The following MAF variants were observed in gnomAD, a reference collection of about 807,000 sequenced individuals.
The protein encoded by MAF is MAF bZIP transcription factor.
MAF carries 10 observed loss-of-function variants against 22.0 expected under a neutral mutation model. The observed-to-expected ratio is 0.45, with a 90% CI of 0.28 to 0.77. The LOEUF (loss-of-function observed/expected upper bound fraction) is 0.77, where lower values mean the gene tolerates loss of function less well. Ranked by LOEUF, MAF falls within the 30% of genes least tolerant of loss-of-function variation. MAF has a pLI of 0.12. For missense variants in MAF, 544 were observed against 548.4 expected, an observed-to-expected ratio of 0.99 and a Z score of 0.08; for synonymous variants, 337 against 255.8, an observed-to-expected ratio of 1.32 and a Z score of -3.03.
the MAF span, among the ~76,000 whole-genome samples, chr16:79,332,718 C>G: frequency 5.9e-5 from 9 of 152,352 alleles, no homozygotes; most frequent in Non-Finnish European, 1.2e-4. Context: ...TATTACAAGT[C>G]TCCTTTGATG....
the MAF span, among the ~76,000 whole-genome samples, chr16:79,413,524 C>T: frequency 6.6e-6 from 1 of 151,662 alleles, no homozygotes; most frequent in African/African-American, 2.4e-5. Context: ...TGAGCCACCG[C>T]GCCCGGCCGA....
At chr16:79,211,906 T>TAAAGG in the MAF span, 6 of 1,551,708 alleles carry the variant, frequency 3.9e-6, no homozygotes, top group Non-Finnish European at 5.2e-6. Flanking sequence ...TCCGCAAGAG[T>TAAAGG]AAAGGAAATA....
downstream of MAF, among the ~76,000 whole-genome samples, chr16:79,584,491 C>G (rs191778381): frequency 6.6e-6 from 1 of 152,142 alleles, no homozygotes; most frequent in African/African-American, 2.4e-5. Context: ...GATTTCTTTC[C>G]CACCAGTAAC....
the MAF span, among the ~76,000 whole-genome samples, chr16:79,245,784 A>G: frequency 6.6e-6 from 1 of 152,092 alleles, no homozygotes; most frequent in Non-Finnish European, 1.5e-5. Context: ...TCTATTCACA[A>G]TAGCAAAGAC....
the MAF span, among the ~76,000 whole-genome samples, chr16:79,423,507 G>C: frequency 6.6e-6 from 1 of 152,198 alleles, no homozygotes; most frequent in East Asian, 1.9e-4. Flanking sequence ...ATCTACCCCA[G>C]GAGTTGGTGA....
the MAF span, among the ~76,000 whole-genome samples, chr16:79,345,685 G>A: frequency 1.6e-5 from 2 of 121,910 alleles, no homozygotes; most frequent in African/African-American, 3.2e-5. Flanking sequence ...CCAAGATCGC[G>A]CCACTGCACT....
the MAF span, among the ~76,000 whole-genome samples, chr16:79,430,066 C>G: frequency 6.6e-6 from 1 of 152,168 alleles, no homozygotes; most frequent in Non-Finnish European, 1.5e-5. Context: ...GGCATCCACC[C>G]CGGGGCCCCT....
chr16:79,533,815 T>C, the MAF span, among the ~76,000 whole-genome samples: 1 of 152,196 alleles, frequency 6.6e-6, no homozygotes, highest in Non-Finnish European at 1.5e-5. Context: ...AATTTTCTTA[T>C]CCAGTGATGT....
the MAF span, among the ~76,000 whole-genome samples, chr16:79,560,724 G>A: frequency 1.3e-5 from 2 of 152,100 alleles, no homozygotes; most frequent in Admixed American, 1.3e-4. Context: ...AGAAGTCACT[G>A]GAAATTGGCT....
chr16:79,223,816 G>C, the MAF span, among the ~76,000 whole-genome samples: 5 of 152,158 alleles, frequency 3.3e-5, no homozygotes, highest in African/African-American at 1.2e-4. Context: ...CCAGGAAGAA[G>C]TCAAATCCCT....
At chr16:79,470,039 G>T in the MAF span, among the ~76,000 whole-genome samples, 1 of 152,218 alleles carries the variant, frequency 6.6e-6, no homozygotes, top group Non-Finnish European at 1.5e-5. Flanking sequence ...CGTGCGGTCT[G>T]CTCCTTCTGC....
At chr16:79,422,965 C>A in the MAF span, among the ~76,000 whole-genome samples, 2 of 151,914 alleles carry the variant, frequency 1.3e-5, no homozygotes, top group African/African-American at 2.4e-5. Flanking sequence ...TGACAAAGTG[C>A]CTGGAAGGGG....
chr16:79,579,616 C>T, the MAF span, among the ~76,000 whole-genome samples: 1 of 152,158 alleles, frequency 6.6e-6, no homozygotes, highest in African/African-American at 2.4e-5. Context: ...ACCCTTGAGT[C>T]ACAGTGGCCT....
chr16:79,576,534 T>A, the MAF span, among the ~76,000 whole-genome samples: 1 of 151,822 alleles, frequency 6.6e-6, no homozygotes. Context: ...TTTATTTATT[T>A]TTCAGGAGGA....
the MAF span, among the ~76,000 whole-genome samples, chr16:79,284,517 G>A: frequency 1.3e-5 from 2 of 152,166 alleles, no homozygotes; most frequent in Non-Finnish European, 2.9e-5. Flanking sequence ...AGGGCACCAG[G>A]AAAGAGAGCA....
the MAF span, among the ~76,000 whole-genome samples, chr16:79,319,254 G>A: frequency 1.3e-5 from 2 of 152,150 alleles, no homozygotes; most frequent in Non-Finnish European, 2.9e-5. Context: ...AAGCCCTCGA[G>A]AAAGAAACAA....
chr16:79,433,839 T>C, the MAF span, among the ~76,000 whole-genome samples: 98 of 152,334 alleles, frequency 6.4e-4, 1 homozygote, highest in East Asian at 0.018. Flanking sequence ...TTTTGTTTCC[T>C]TTGTAATAAA....
the MAF span, among the ~76,000 whole-genome samples, chr16:79,278,002 G>A: frequency 2.6e-4 from 39 of 152,326 alleles, no homozygotes; most frequent in African/African-American, 8.4e-4. Flanking sequence ...ATCTCTCTAA[G>A]GGAAGGCCTG....
the MAF span, among the ~76,000 whole-genome samples, chr16:79,297,795 T>G: frequency 6.6e-6 from 1 of 152,188 alleles, no homozygotes; most frequent in Non-Finnish European, 1.5e-5. Context: ...GAGGGACTGG[T>G]GGGGAGAACA....
Sources: gnomAD v4.1 joint callset for allele counts (sites outside exome capture counted in the v4.1 genomes callset) on GRCh38, gnomAD v4.1.1 for gene constraint, MANE v1.5 for transcripts, NCBI Gene and HGNC (gene_info 2026-07-23, HGNC 2026-07-21) for gene names.